Variants in RAD50 observed in about 807,000 individuals in gnomAD.
RAD50 encodes DNA repair protein RAD50.
RAD50 carries 132 observed loss-of-function variants against 168.8 expected under a neutral mutation model. The observed-to-expected ratio is 0.78, with a 90% CI of 0.68 to 0.90. The LOEUF is 0.90. Ranked by LOEUF, RAD50 falls within the 40% of genes least tolerant of loss-of-function variation. The pLI, the probability that RAD50 is intolerant of heterozygous loss-of-function variation, is 0.00. For synonymous variants in RAD50, 525 were observed against 497.4 expected, an observed-to-expected ratio of 1.06 and a Z score of -0.74; for missense variants, 1,347 against 1,534.4, an observed-to-expected ratio of 0.88 and a Z score of 2.04.
chr5:132,585,546 A>G lies in RAD50; in HGVS notation c.757-2016A>G, dbSNP rs551207920. Among the ~76,000 whole-genome samples the G allele has an allele frequency of 2.7e-5, 4 of 147,676 alleles. 1 individual carries two copies. In the South Asian group the frequency reaches 6.5e-4, roughly 24 times the overall value. On this transcript the variant is annotated intron_variant, in intron 5 of 24. Transcript: ENST00000378823. ...ATAAAAGTCTTTTGCCTATTTTTCA[A>G]TGTTATTTATTTATTGGTCATTTTA...
At chr5:132,590,080 TC>T (rs1268362034) in intron 9 of RAD50, among the ~76,000 whole-genome samples, 2 of 152,164 alleles carry the variant, frequency 1.3e-5, no homozygotes, top group African/African-American at 4.8e-5. Flanking sequence ...CCTTAAAGCT[TC>T]AGACCTTCCA....
intron 24 of RAD50, chr5:132,641,654 CTG>C (rs1157945419): frequency 6.3e-6 from 1 of 157,936 alleles, no homozygotes; most frequent in African/African-American, 2.4e-5. Flanking sequence ...ACTCAGGTCC[CTG>C]TGTGTCATAG....
chr5:132,618,547 C>CTTGTATTT (rs544531223), intron 21 of RAD50, among the ~76,000 whole-genome samples: 364 of 152,048 alleles, frequency 2.4e-3, no homozygotes, highest in African/African-American at 8.6e-3. Flanking sequence ...CTGGGCTAAT[C>CTTGTATTT]TTGTATTTTT....
Position 132,644,589 on chromosome 5 carries a change from G to C in RAD50, c.*2225G>C, listed in dbSNP as rs537075514. 1 of 182,836 alleles carries C rather than the reference G, an allele frequency of 5.5e-6. No homozygotes were observed. The highest frequency in any genetic ancestry group is 8.9e-5 in the East Asian group (1 of 11,174). 11.3% of individuals were successfully genotyped at this position (182,836 alleles called of 1,614,324 possible). ...CTGCTTGCCACCTACTAAATACTGT[G>C]TAAGTGTTCAAGAAAAAGCTGTCTT... is the stretch of plus-strand genomic sequence containing the variant. On this transcript the variant is annotated 3_prime_UTR_variant, in exon 25 of 25. Coordinates refer to ENST00000378823, the MANE Select transcript of RAD50 (RefSeq NM_005732.4).
rs530963543 is a variant in RAD50 at position 132,645,782 on chromosome 5, T to C, written c.*3418T>C. 9.9e-5 allele frequency: 15 copies of C among 152,184 alleles called. No individual in the cohort carries two copies. Among genetic ancestry groups the C allele is most frequent in the African/African-American group, 3.6e-4 (15 of 41,530 alleles). The allele number at this position is 152,184 out of a possible 1,614,324, so 9.4% of individuals were successfully genotyped here. Reference sequence around the variant, plus strand: ...CTAAGGGGCAAGAGACCTGGAGTATTTATATAACAACTTGCCAGGGTTACT... The same window carrying C: ...CTAAGGGGCAAGAGACCTGGAGTATCTATATAACAACTTGCCAGGGTTACT... On this transcript the variant is annotated 3_prime_UTR_variant, in exon 25 of 25. Coordinates refer to ENST00000378823, the MANE Select transcript of RAD50 (RefSeq NM_005732.4).
rs143822598 is a variant in RAD50, at chr5:132,571,264, C to T, written c.214-4513C>T. On this transcript the variant is annotated intron_variant, in intron 2 of 24. Transcript: ENST00000378823. The stretch of plus-strand genomic sequence containing the variant: ...GCACATGCTGTTGGAAAAATGGCAC[C>T]GATAGACTTGTTAGATGCAGGGTTG... Among the ~76,000 whole-genome samples, 416 of 151,740 alleles carry T rather than the reference C, an allele frequency of 2.7e-3. 4 individuals are homozygous for T. Among genetic ancestry groups the T allele is most frequent in the African/African-American group, 9.8e-3 (404 of 41,362 alleles).
chr5:132,565,300 T>C (rs1750187888), intron 2 of RAD50, among the ~76,000 whole-genome samples: 3 of 152,232 alleles, frequency 2.0e-5, no homozygotes, highest in African/African-American at 7.2e-5. Context: ...AGGTTTTTTT[T>C]TTATAGCAGT....
chr5:132,633,103 T>TC lies in RAD50; in HGVS notation c.3390-4012_3390-4011insC, dbSNP rs1421580025. On this transcript the variant is annotated intron_variant, in intron 21 of 24. Coordinates refer to ENST00000378823, the MANE Select transcript of RAD50 (RefSeq NM_005732.4). ...TCAATTTTCTTTCGTTTTTTCTTTT[T>TC]TTTTTTTTTTTTTTTGAGACAGAGT... Among the ~76,000 whole-genome samples the TC allele has an allele frequency of 7.6e-5, 11 of 144,888 alleles. No homozygotes were observed. The South Asian group carries it at 8.9e-4, about 12-fold the overall frequency.
chr5:132,593,155 A>G, intron 11 of RAD50: 1 of 212,450 alleles, frequency 4.7e-6, no homozygotes, highest in South Asian at 7.0e-5. Flanking sequence ...TGTTTGGGGC[A>G]TTGATCTCAT....
rs766657227 is a variant in RAD50, at chr5:132,609,123, G to A, written c.2836G>A (p.Asp946Asn). The A allele has an allele frequency of 9.3e-6, 15 of 1,611,050 alleles. No homozygotes were observed. Among genetic ancestry groups the A allele is most frequent in the Non-Finnish European group, 1.2e-5 (14 of 1,178,896 alleles). The change falls in exon 18 of 25, where the codon GAT becomes AAT. Residue 946 changes from aspartate (D) to asparagine (N), a missense_variant. Around this residue, in one of 3 missense-constraint regions of RAD50, gnomAD observed 635 missense variants for 739.2 expected, o/e 0.86. Coordinates refer to ENST00000378823, the MANE Select transcript of RAD50 (RefSeq NM_005732.4). ...SNKIAQDKLN[D>N]IKEKVKNIHG... The stretch of plus-strand genomic sequence containing the variant: ...AATGAATATTTTTCTACAGCTGAAT[G>A]ATATTAAAGAGAAGGTTAAAAATAT...
chr5:132,637,026 T>TA, intron 21 of RAD50, 89 bp from the exon 22 acceptor site: 1 of 947,336 alleles, frequency 1.1e-6, no homozygotes, highest in Non-Finnish European at 1.3e-6. Context: ...TTCTATTTTT[T>TA]ATATATTATA....
intron 23 of RAD50, among the ~76,000 whole-genome samples, chr5:132,639,890 C>G (rs1751678913): frequency 1.3e-5 from 2 of 152,180 alleles, no homozygotes; most frequent in South Asian, 4.1e-4. Context: ...ATAAACTATT[C>G]TAAAATTACC....
intron 2 of RAD50, among the ~76,000 whole-genome samples, chr5:132,574,870 A>T (rs1166360284): frequency 6.6e-6 from 1 of 152,192 alleles, no homozygotes; most frequent in Non-Finnish European, 1.5e-5. Flanking sequence ...CCAGTTCCCA[A>T]CAAGTTCCTT....
intron 16 of RAD50, among the ~76,000 whole-genome samples, chr5:132,607,768 T>A (rs1294723801): frequency 6.6e-6 from 1 of 152,222 alleles, no homozygotes; most frequent in Non-Finnish European, 1.5e-5. Context: ...GATTTTCTGA[T>A]AGATCTTTTG....
At chr5:132,637,377 C>T (rs553098847) in intron 22 of RAD50, among the ~76,000 whole-genome samples, 177 bp downstream of exon 22, 13 of 152,242 alleles carry the variant, frequency 8.5e-5, no homozygotes, top group African/African-American at 2.9e-4. Context: ...GTAAAGTTTT[C>T]TGTTCCAGAG....
At chr5:132,612,957 C>G (rs1182074551) in intron 19 of RAD50, among the ~76,000 whole-genome samples, 4 of 152,094 alleles carry the variant, frequency 2.6e-5, no homozygotes, top group African/African-American at 9.7e-5. Flanking sequence ...CTTTAGCTGT[C>G]AATAACTGAG....
At chr5:132,637,559 C>T (rs1183221095) in intron 22 of RAD50, among the ~76,000 whole-genome samples, 1 of 149,056 alleles carries the variant, frequency 6.7e-6, no homozygotes, top group East Asian at 2.0e-4. Context: ...GAGTCTCGCA[C>T]TTCTCTGTCA....
chr5:132,568,055 TTTTTTTTTAAA>T (rs901638831), intron 2 of RAD50, among the ~76,000 whole-genome samples: 16 of 151,320 alleles, frequency 1.1e-4, no homozygotes, highest in South Asian at 4.2e-4. Context: ...CAGACAAGGA[TTTTTTTTTAAA>T]TTTTTTTTAA....
intron 19 of RAD50, among the ~76,000 whole-genome samples, chr5:132,611,523 C>G (rs980800837): frequency 9.3e-5 from 14 of 151,048 alleles, no homozygotes; most frequent in East Asian, 2.0e-4. Flanking sequence ...GGCTAACACG[C>G]CGAAACCCCG....
Sources: allele counts gnomAD v4.1 joint callset (sites outside exome capture counted in the v4.1 genomes callset), GRCh38; gene constraint gnomAD v4.1.1; regional missense constraint gnomAD v4.1.1; transcripts MANE v1.5; gene names NCBI Gene and HGNC (gene_info 2026-07-23, HGNC 2026-07-21).